Variants in CMYA5 observed in about 807,000 individuals in gnomAD.
CMYA5 encodes cardiomyopathy-associated protein 5.
A neutral mutation model predicts 318.9 loss-of-function variants in CMYA5; 246 were observed. The observed-to-expected ratio is 0.77, with a 90% confidence interval of 0.70 to 0.86. The LOEUF (loss-of-function observed/expected upper bound fraction) is 0.86. Ranked by LOEUF, CMYA5 falls within the 40% of genes least tolerant of loss-of-function variation. The pLI is 0.00. For synonymous variants in CMYA5, 1,641 were observed against 1,729.5 expected (o/e 0.95, Z 1.27); for missense variants, 4,589 against 4,678.2 (o/e 0.98, Z 0.56).
chr5:79,702,385 CA>C (rs959037718), intron 1 of CMYA5, among the ~76,000 whole-genome samples: 2 of 149,682 alleles, frequency 1.3e-5, no homozygotes, highest in African/African-American at 2.5e-5. Context: ...GACCCTGTCT[CA>C]AAAAAAAGGG....
At chr5:79,778,795 G>T (rs1828991978) in intron 9 of CMYA5, among the ~76,000 whole-genome samples, 1 of 134,432 alleles carries the variant, frequency 7.4e-6, no homozygotes, top group Non-Finnish European at 1.5e-5. Flanking sequence ...CATGCCGCCT[G>T]CCCCCCTCTC....
At chr5:79,700,191 A>G (rs1268315601) in intron 1 of CMYA5, among the ~76,000 whole-genome samples, 1 of 152,172 alleles carries the variant, frequency 6.6e-6, no homozygotes, top group Non-Finnish European at 1.5e-5. Context: ...GTTTCCTTTG[A>G]CTGAGTTTGC....
At chr5:79,769,242 T>C (rs1389742891) in intron 9 of CMYA5, among the ~76,000 whole-genome samples, 4 of 152,100 alleles carry the variant, frequency 2.6e-5, no homozygotes, top group Admixed American at 6.5e-5. Context: ...GGTTAAAACA[T>C]GCTGTTTTAG....
intron 6 of CMYA5, among the ~76,000 whole-genome samples, chr5:79,756,820 A>C (rs1490009893): frequency 6.6e-6 from 1 of 152,090 alleles, no homozygotes; most frequent in Non-Finnish European, 1.5e-5. Context: ...AATTTGGCCC[A>C]TATTATTAAT....
chr5:79,724,893 T>A (rs146151415), intron 1 of CMYA5, among the ~76,000 whole-genome samples: 2 of 152,294 alleles, frequency 1.3e-5, no homozygotes, highest in East Asian at 1.9e-4. Context: ...ATTTTTTATA[T>A]CCTATGACCT....
chr5:79,788,019 A>G (rs1483175580), intron 9 of CMYA5, among the ~76,000 whole-genome samples: 1 of 152,128 alleles, frequency 6.6e-6, no homozygotes, highest in African/African-American at 2.4e-5. Context: ...AAAAAAAACA[A>G]AGACAAACAA....
At chr5:79,794,148 G>A (rs1460871841) in intron 12 of CMYA5, among the ~76,000 whole-genome samples, 2 of 152,184 alleles carry the variant, frequency 1.3e-5, no homozygotes, top group East Asian at 3.9e-4. Context: ...CATATCGGGG[G>A]TTGGCAAACT....
chr5:79,788,722 T>C (rs1414171627), intron 9 of CMYA5, among the ~76,000 whole-genome samples: 1 of 152,160 alleles, frequency 6.6e-6, no homozygotes, highest in Non-Finnish European at 1.5e-5. Flanking sequence ...TTTTCTGAAT[T>C]TTTTTAAGTG....
chr5:79,757,649 G>C (rs886842978), intron 6 of CMYA5, among the ~76,000 whole-genome samples: 60 of 152,066 alleles, frequency 3.9e-4, no homozygotes, highest in Non-Finnish European at 7.2e-4. Context: ...ATCTTAAAAG[G>C]GTTTCATTTG....
At chr5:79,750,509 T>C (rs1451335824) in intron 5 of CMYA5, among the ~76,000 whole-genome samples, 2 of 152,234 alleles carry the variant, frequency 1.3e-5, no homozygotes, top group Non-Finnish European at 2.9e-5. Context: ...AAACCCCATC[T>C]TGCTCAAGAG....
intron 1 of CMYA5, among the ~76,000 whole-genome samples, chr5:79,720,158 G>T (rs1827592636): frequency 6.6e-6 from 1 of 152,110 alleles, no homozygotes; most frequent in African/African-American, 2.4e-5. Flanking sequence ...TCTCAAAAAT[G>T]CTGAGGGACA....
At chr5:79,756,064 C>T (rs955654870) in intron 6 of CMYA5, among the ~76,000 whole-genome samples, 1 of 152,210 alleles carries the variant, frequency 6.6e-6, no homozygotes, top group East Asian at 1.9e-4. Context: ...GATCGACAAT[C>T]CTTGAAACAT....
chr5:79,756,566 G>A (rs1828534208), intron 6 of CMYA5, among the ~76,000 whole-genome samples: 1 of 152,186 alleles, frequency 6.6e-6, no homozygotes, highest in Non-Finnish European at 1.5e-5. Flanking sequence ...TGGATCTGGT[G>A]TTTAACCTTG....
Position 79,732,452 on chromosome 5 carries a change from G to A in CMYA5, c.3687G>A (p.Gln1229=). 2 of 1,613,360 alleles carry A rather than the reference G, an allele frequency of 1.2e-6. No homozygotes were observed. Among genetic ancestry groups the A allele is most frequent in the Non-Finnish European group, 8.5e-7 (1 of 1,179,640 alleles). Residue 1229 remains glutamine (Q), a synonymous_variant, in exon 2 of 13, where the codon CAG becomes CAA. Coordinates refer to ENST00000446378, the MANE Select transcript of CMYA5 (RefSeq NM_153610.5). ...HVSQDQKMEP[Q]PPNVPESEMK... is the part of the protein sequence containing the mutation. ...CACAGGATCAAAAAATGGAGCCTCA[G>A]CCTCCAAATGTTCCAGAGTCTGAGA... is the stretch of plus-strand genomic sequence containing the variant.
chr5:79,791,653 G>A (rs377466949), intron 11 of CMYA5, among the ~76,000 whole-genome samples: 21 of 150,910 alleles, frequency 1.4e-4, no homozygotes, highest in Admixed American at 4.0e-4. Context: ...CTCGGAGGTG[G>A]AGGTTGCAGT....
chr5:79,711,117 AATCTCT>A (rs1270393577), intron 1 of CMYA5, among the ~76,000 whole-genome samples: 1 of 152,124 alleles, frequency 6.6e-6, no homozygotes, highest in African/African-American at 2.4e-5. Flanking sequence ...GATTTTACTT[AATCTCT>A]TTGTTTTTTC....
chr5:79,798,740 A>G (rs968935758), intron 12 of CMYA5, among the ~76,000 whole-genome samples: 4 of 152,124 alleles, frequency 2.6e-5, no homozygotes, highest in Admixed American at 6.6e-5. Flanking sequence ...ATGCACAAGG[A>G]ATAGTTGTTG....
At chr5:79,705,896 A>T (rs1023938339) in intron 1 of CMYA5, among the ~76,000 whole-genome samples, 1 of 152,154 alleles carries the variant, frequency 6.6e-6, no homozygotes. Flanking sequence ...GTAAATGAGA[A>T]TGGAGATACA....
At chr5:79,723,307 C>T (rs1170823358) in intron 1 of CMYA5, among the ~76,000 whole-genome samples, 1 of 152,014 alleles carries the variant, frequency 6.6e-6, no homozygotes, top group South Asian at 2.1e-4. Flanking sequence ...GGAGCAGTGG[C>T]AGGCACCTGT....
Sources: allele counts gnomAD v4.1 joint callset (sites outside exome capture counted in the v4.1 genomes callset), GRCh38; gene constraint gnomAD v4.1.1; transcripts MANE v1.5; gene names NCBI Gene and HGNC (gene_info 2026-07-23, HGNC 2026-07-21).